MTARC1: variants seen among roughly 807,000 people sequenced by gnomAD.
The protein encoded by MTARC1 is mitochondrial amidoxime reducing component 1, also known as mitochondrial amidoxime-reducing component 1.
In MTARC1, 24 loss-of-function variants were observed where a neutral mutation model predicts 33.6. The ratio of observed to expected loss-of-function variants is 0.72; its 90% CI spans 0.52 to 1.01. The LOEUF (loss-of-function observed/expected upper bound fraction) is 1.01, where lower values mean the gene tolerates loss of function less well. MTARC1 is among the 50% of genes least tolerant of loss of function. The pLI is 0.00. For synonymous variants in MTARC1, 187 were observed against 189.5 expected, an observed-to-expected ratio of 0.99 and a Z score of 0.11; for missense variants, 417 against 445.7, an observed-to-expected ratio of 0.94 and a Z score of 0.58.
rs753083851 is a variant in MTARC1, at chr1:220,787,230, G to A, written c.275+11G>A. The A allele has an allele frequency of 7.1e-6, 11 of 1,556,656 alleles. No homozygotes were observed. The South Asian group carries it at 1.3e-4, about 18-fold the overall frequency. On this transcript the variant is annotated intron_variant, in intron 1 of 6. Transcript: ENST00000366910. ...CAACCTGCGGGACAGGTACGGCCAA[G>A]CGCCGGCGCGGGGCAGCGCTGATCC...
intron 6 of MTARC1, among the ~76,000 whole-genome samples, chr1:220,806,092 G>A (rs1672963392): frequency 6.6e-6 from 1 of 152,192 alleles, no homozygotes; most frequent in South Asian, 2.1e-4. Flanking sequence ...ATTCTCATAT[G>A]CAGTCTCTAA....
intron 4 of MTARC1, among the ~76,000 whole-genome samples, chr1:220,800,612 G>A (rs1672762510): frequency 6.6e-6 from 1 of 150,696 alleles, no homozygotes; most frequent in Admixed American, 6.6e-5. Context: ...TTAATCATCT[G>A]TTTTTAAGAC....
chr1:220,819,238 G>A lies in MTARC1; in HGVS notation c.*5820G>A, dbSNP rs1183044636. 2 of 152,162 alleles carry A rather than the reference G, an allele frequency of 1.3e-5. No homozygotes were observed. Among genetic ancestry groups the A allele is most frequent in the African/African-American group, 4.8e-5 (2 of 41,438 alleles). The allele number at this position is 152,162 out of a possible 1,614,324, so 9.4% of individuals were successfully genotyped here. A position where few individuals can be genotyped will look rare whatever the true frequency, so the allele number is the denominator to read the frequency against. The stretch of plus-strand genomic sequence containing the variant: ...GACATCATAGTTTATATTATAAAAT[G>A]TATTAATGACAGAAGAGTGTTTTCA... On this transcript the variant is annotated 3_prime_UTR_variant, in exon 7 of 7. Coordinates refer to ENST00000366910, the MANE Select transcript of MTARC1 (RefSeq NM_022746.4).
intron 4 of MTARC1, chr1:220,799,127 A>T: frequency 1.0e-6 from 1 of 985,434 alleles, no homozygotes; most frequent in African/African-American, 1.7e-5. Context: ...GGATAATGTA[A>T]TTTATGAGAT....
intron 6 of MTARC1, among the ~76,000 whole-genome samples, chr1:220,809,512 A>AATTT (rs1558093890): frequency 6.6e-6 from 1 of 151,446 alleles, no homozygotes; most frequent in Non-Finnish European, 1.5e-5. Context: ...AATTTAATTT[A>AATTT]ATTTATTTAT....
Position 220,813,500 on chromosome 1 carries a change from A to G in MTARC1, c.*82A>G. On this transcript the variant is annotated 3_prime_UTR_variant, in exon 7 of 7. Coordinates refer to ENST00000366910, the MANE Select transcript of MTARC1 (RefSeq NM_022746.4). ...CAACACTTGAAGCATGGTGTTTCAG[A>G]ACTGAGACCTCTACATTTTCTTTAA... 3.9e-6 allele frequency: 6 copies of G among 1,536,998 alleles called. No homozygotes were observed. Among genetic ancestry groups the G allele is most frequent in the Non-Finnish European group, 5.3e-6 (6 of 1,127,124 alleles).
chr1:220,818,031 G>A lies in MTARC1; in HGVS notation c.*4613G>A, dbSNP rs901577233. 1 of 152,244 alleles carries A rather than the reference G, an allele frequency of 6.6e-6. No individual in the cohort carries two copies. Among genetic ancestry groups the A allele is most frequent in the African/African-American group, 2.4e-5 (1 of 41,458 alleles). The allele number at this position is 152,244 out of a possible 1,614,324, so 9.4% of individuals were successfully genotyped here. ...TTTGCTGTCTGCAAGAACAGAGATT[G>A]TTTGCTTCAACCACTTTCTCTGAAT... On this transcript the variant is annotated 3_prime_UTR_variant, in exon 7 of 7. Transcript: ENST00000366910.
At chr1:220,813,207 G>A in intron 6 of MTARC1, 85 bp from the exon 7 acceptor site, 2 of 1,582,256 alleles carry the variant, frequency 1.3e-6, no homozygotes, top group South Asian at 2.2e-5. Flanking sequence ...TGCGTGCGGA[G>A]GCCCTGTGTG....
intron 4 of MTARC1, among the ~76,000 whole-genome samples, chr1:220,800,893 C>G (rs1049990948): frequency 1.8e-5 from 2 of 109,828 alleles, no homozygotes; most frequent in African/African-American, 8.9e-5. Context: ...GGTGGCTGGG[C>G]CTTCCCCCCC....
At chr1:220,806,723 G>T (rs1672983345) in intron 6 of MTARC1, among the ~76,000 whole-genome samples, 1 of 152,212 alleles carries the variant, frequency 6.6e-6, no homozygotes, top group Non-Finnish European at 1.5e-5. Flanking sequence ...TGAGCATGAG[G>T]CTGTGGCCTG....
chr1:220,803,442 C>T (rs1253686570), intron 4 of MTARC1, among the ~76,000 whole-genome samples: 2 of 152,176 alleles, frequency 1.3e-5, no homozygotes, highest in African/African-American at 4.8e-5. Flanking sequence ...CTGGTGTCTC[C>T]TGGTCACTGA....
chr1:220,819,321 T>G lies in MTARC1; in HGVS notation c.*5903T>G, dbSNP rs1467049244. 1 of 152,218 alleles carries G rather than the reference T, an allele frequency of 6.6e-6. No homozygotes were observed. The highest frequency in any genetic ancestry group is 6.5e-5 in the Admixed American group (1 of 15,278). 9.4% of individuals were successfully genotyped at this position (152,218 alleles called of 1,614,324 possible). On this transcript the variant is annotated 3_prime_UTR_variant, in exon 7 of 7. Transcript: ENST00000366910. ...TGCCCTCAGTCATCATAAATATAAA[T>G]GTATTGGTCAAACAGATCTCGTTAA...
chr1:220,800,901 C>A (rs1011948633), intron 4 of MTARC1, among the ~76,000 whole-genome samples: 12 of 152,132 alleles, frequency 7.9e-5, no homozygotes, highest in Admixed American at 7.9e-4. Context: ...GGCCTTCCCC[C>A]CCACTCCCCT....
intron 4 of MTARC1, among the ~76,000 whole-genome samples, chr1:220,801,159 C>G (rs72472315): frequency 2.6e-5 from 4 of 152,296 alleles, no homozygotes; most frequent in African/African-American, 9.6e-5. Context: ...ACCTGCACCC[C>G]GCCAGCTCCC....
intron 1 of MTARC1, among the ~76,000 whole-genome samples, chr1:220,789,785 A>G (rs952392286): frequency 6.6e-6 from 1 of 152,254 alleles, no homozygotes; most frequent in African/African-American, 2.4e-5. Flanking sequence ...CCTGGAAAAC[A>G]TAATACTAAT....
intron 3 of MTARC1, 87 bp from the exon 4 acceptor site, chr1:220,797,787 A>G (rs1322968269): frequency 1.6e-6 from 2 of 1,252,662 alleles, no homozygotes; most frequent in Non-Finnish European, 2.3e-6. Flanking sequence ...GGGGTGGAGC[A>G]TGGAGGCTAT....
At chr1:220,802,915 A>C (rs17008806) in intron 4 of MTARC1, among the ~76,000 whole-genome samples, 46,579 of 152,090 alleles carry the variant, frequency 0.31, 7,222 homozygotes, top group African/African-American at 0.36. Context: ...GTAACAAATC[A>C]TCAGTGTTGC....
At chr1:220,798,424 C>T (rs1416892907) in intron 4 of MTARC1, 1 of 1,173,456 alleles carries the variant, frequency 8.5e-7, no homozygotes, top group Non-Finnish European at 1.1e-6. Context: ...TACTGCAAGG[C>T]TGCTGGGTGA....
At chr1:220,804,105 A>G (rs1672895463) in intron 4 of MTARC1, among the ~76,000 whole-genome samples, 1 of 152,164 alleles carries the variant, frequency 6.6e-6, no homozygotes, top group Admixed American at 6.5e-5. Flanking sequence ...CAGGACTATA[A>G]TCAAATGTCC....
Sources: allele counts gnomAD v4.1 joint callset (sites outside exome capture counted in the v4.1 genomes callset), GRCh38; gene constraint gnomAD v4.1.1; transcripts MANE v1.5; gene names NCBI Gene and HGNC (gene_info 2026-07-23, HGNC 2026-07-21).